Variants in TMEM144 observed in about 807,000 individuals in gnomAD.
TMEM144 encodes the protein transmembrane protein 144.
TMEM144 carries 39 observed loss-of-function variants against 43.6 expected under a neutral mutation model. That is an observed-to-expected ratio of 0.90 (90% CI 0.69 to 1.17). The LOEUF (loss-of-function observed/expected upper bound fraction) is 1.17. Ranked by LOEUF, TMEM144 falls within the 50% of genes most tolerant of loss-of-function variation. The pLI is 0.00. For synonymous variants in TMEM144, 154 were observed against 133.6 expected (o/e 1.15, Z -1.06); for missense variants, 417 against 411.9 (o/e 1.01, Z -0.11).
At chr4:158,233,138 GCAAT>G (rs1347913143) in intron 7 of TMEM144, 156 bp downstream of exon 7, 6 of 535,008 alleles carry the variant, frequency 1.1e-5, no homozygotes, top group Non-Finnish European at 2.0e-5. Flanking sequence ...GGTCTATGTA[GCAAT>G]CAATCAATAT....
intron 12 of TMEM144, among the ~76,000 whole-genome samples, chr4:158,248,976 G>A (rs1736032513): frequency 6.6e-6 from 1 of 151,930 alleles, no homozygotes; most frequent in African/African-American, 2.4e-5. Flanking sequence ...ATGCGATCTC[G>A]GCTCACTGCA....
At chr4:158,222,506 T>A (rs758800676) in intron 6 of TMEM144, among the ~76,000 whole-genome samples, 46 of 152,222 alleles carry the variant, frequency 3.0e-4, no homozygotes, top group Non-Finnish European at 6.2e-4. Context: ...TGTGATGTTT[T>A]CTTGATTTTC....
Position 158,248,467 on chromosome 4 carries a change from G to A in TMEM144, c.954+4118G>A, listed in dbSNP as rs192795523. ...AATAAATAAACAAAAAATCTTATAT[G>A]TCATCTACAAGCAAAATTTAACAGA... On this transcript the variant is annotated intron_variant, in intron 12 of 12. Coordinates refer to ENST00000296529, the MANE Select transcript of TMEM144 (RefSeq NM_018342.5). Among the ~76,000 whole-genome samples the A allele has an allele frequency of 3.5e-4, 54 of 152,154 alleles. No individual in the cohort carries two copies. The Middle Eastern group carries it at 0.014, about 38-fold the overall frequency.
chr4:158,232,996 G>A lies in TMEM144; in HGVS notation c.495+14G>A, dbSNP rs924689669. ...ATAACAGAGCATGTGAGTATAGTAT[G>A]AGAGACAACTTGATTTGAAACATAA... On this transcript the variant is annotated intron_variant, in intron 7 of 12. Transcript: ENST00000296529. 1.3e-6 allele frequency: 2 copies of A among 1,543,680 alleles called. No homozygotes were observed. Among genetic ancestry groups the A allele is most frequent in the African/African-American group, 1.4e-5 (1 of 72,188 alleles).
Position 158,253,803 on chromosome 4 carries a change from G to A in TMEM144, c.*276G>A, listed in dbSNP as rs764441295. On this transcript the variant is annotated 3_prime_UTR_variant, in exon 13 of 13. Coordinates refer to ENST00000296529, the MANE Select transcript of TMEM144 (RefSeq NM_018342.5). ...TCTACATTATTATAGCATTACATACGAGGATGCTCTTTTTACCACAGTATG... is the reference window on the plus strand; with the variant it reads ...TCTACATTATTATAGCATTACATACAAGGATGCTCTTTTTACCACAGTATG... 2.1e-5 allele frequency: 8 copies of A among 386,314 alleles called. No individual in the cohort carries two copies. The highest frequency in any genetic ancestry group is 1.6e-4 in the South Asian group (6 of 38,166). The allele number at this position is 386,314 out of a possible 1,614,324, so 23.9% of individuals were successfully genotyped here. A position where few individuals can be genotyped will look rare whatever the true frequency, so the allele number is the denominator to read the frequency against.
At chr4:158,231,756 G>A (rs1191224342) in intron 6 of TMEM144, among the ~76,000 whole-genome samples, 2 of 152,258 alleles carry the variant, frequency 1.3e-5, no homozygotes, top group East Asian at 1.9e-4. Context: ...GAGTGGTCAG[G>A]CATAGAAGCC....
rs1376721106 is a variant in TMEM144, at chr4:158,215,330, C to A, written c.232+17C>A. On this transcript the variant is annotated intron_variant, in intron 4 of 12. Transcript: ENST00000296529. Reference sequence around the variant, plus strand: ...GGGCAACAGGTAATGTCTGATATAACTTATACTTTTATTATGTAACATAAT... The same window carrying A: ...GGGCAACAGGTAATGTCTGATATAAATTATACTTTTATTATGTAACATAAT... The A allele has an allele frequency of 1.2e-6, 2 of 1,610,748 alleles. No homozygotes were observed.
At chr4:158,237,467 C>T (rs939762527) in intron 8 of TMEM144, 58 bp from the exon 9 acceptor site, 10 of 1,291,066 alleles carry the variant, frequency 7.7e-6, no homozygotes, top group South Asian at 2.6e-5. Flanking sequence ...TCCATTTGTG[C>T]GTTTGTCAGA....
rs752174020 is a variant in TMEM144, at chr4:158,240,337, C to G, written c.721C>G (p.Leu241Val). 1.9e-6 allele frequency: 3 copies of G among 1,613,744 alleles called. No homozygotes were observed. The Admixed American group carries it at 5.0e-5, about 27-fold the overall frequency. The change falls in exon 10 of 13, where the codon CTT becomes GTT. Residue 241 changes from leucine to valine, a missense_variant. Physicochemically the swap from Leu to Val is conservative, Grantham distance 32 (BLOSUM62 1). Coordinates refer to ENST00000296529, the MANE Select transcript of TMEM144 (RefSeq NM_018342.5). ...YVFAHFSGIF[L>V]TSTVYFLAYC... ...GTTTGCGCACTTCAGTGGCATCTTT[C>G]TTACAAGTACTGTCTACTTTCTGGC...
chr4:158,224,460 T>C (rs866013691), intron 6 of TMEM144, among the ~76,000 whole-genome samples: 3 of 152,174 alleles, frequency 2.0e-5, no homozygotes, highest in African/African-American at 7.2e-5. Flanking sequence ...AAAACTGTGG[T>C]CATGGGAGGC....
In TMEM144 at chr4:158,212,789, C is replaced by T; in HGVS notation, c.109+13C>T. 2 of 1,573,080 alleles carry T rather than the reference C, an allele frequency of 1.3e-6. No homozygotes were observed. The highest frequency in any genetic ancestry group is 2.2e-5 in the East Asian group (1 of 44,568). On this transcript the variant is annotated intron_variant, in intron 3 of 12. Coordinates refer to ENST00000296529, the MANE Select transcript of TMEM144 (RefSeq NM_018342.5). The stretch of plus-strand genomic sequence containing the variant: ...GATACTGGTGATGGTAATTATTTTT[C>T]CTTGATTGTTAACGTTATATTATTT...
intron 8 of TMEM144, 178 bp from the exon 9 acceptor site, chr4:158,237,347 G>A: frequency 1.8e-6 from 1 of 549,748 alleles, no homozygotes; most frequent in Non-Finnish European, 3.2e-6. Flanking sequence ...TAGTCCTGAT[G>A]CCACTTTAAT....
chr4:158,231,943 C>T (rs1735100943), intron 6 of TMEM144, among the ~76,000 whole-genome samples: 2 of 152,172 alleles, frequency 1.3e-5, no homozygotes, highest in South Asian at 4.1e-4. Flanking sequence ...ACACAAAAGA[C>T]AGCATATGAT....
At chr4:158,224,769 G>T (rs1332141075) in intron 6 of TMEM144, among the ~76,000 whole-genome samples, 1 of 152,144 alleles carries the variant, frequency 6.6e-6, no homozygotes, top group Admixed American at 6.5e-5. Context: ...CAGCTTCTGG[G>T]TGTGACTGGA....
intron 11 of TMEM144, among the ~76,000 whole-genome samples, chr4:158,243,766 A>G (rs960999162): frequency 1.3e-5 from 2 of 151,882 alleles, no homozygotes; most frequent in African/African-American, 4.8e-5. Flanking sequence ...TTTAGCATTC[A>G]TTGGTGTTTA....
At position 158,254,426 on chromosome 4, in the gene TMEM144, G is replaced by A. The variant is rs994968738; in HGVS notation, c.*899G>A. ...TTCCAGTAGGCAAAATAAAATGACA[G>A]GCATGCTAGTTTTTTTTTTTTTTTT... On this transcript the variant is annotated 3_prime_UTR_variant, in exon 13 of 13. Transcript: ENST00000296529. 1.4e-5 allele frequency: 2 copies of A among 145,204 alleles called. No homozygotes were observed. Among genetic ancestry groups the A allele is most frequent in the African/African-American group, 5.0e-5 (2 of 39,668 alleles). The allele number at this position is 145,204 out of a possible 1,614,324, so 9.0% of individuals were successfully genotyped here. A position where few individuals can be genotyped will look rare whatever the true frequency, so the allele number is the denominator to read the frequency against.
chr4:158,237,019 A>G (rs1735383770), intron 8 of TMEM144, among the ~76,000 whole-genome samples: 1 of 152,204 alleles, frequency 6.6e-6, no homozygotes. Flanking sequence ...CTTCTTGACC[A>G]TGGCATTGTC....
chr4:158,234,376 C>CA lies in TMEM144; in HGVS notation c.496-1048dup, dbSNP rs5863312. On this transcript the variant is annotated intron_variant, in intron 7 of 12. Coordinates refer to ENST00000296529, the MANE Select transcript of TMEM144 (RefSeq NM_018342.5). ...TGAAACTCTATCTCTACTAAGAATACAAAAAAAAAAAAAATGAGCTGGGTG... is the reference window on the plus strand; with the variant it reads ...TGAAACTCTATCTCTACTAAGAATACAAAAAAAAAAAAAAATGAGCTGGGTG... 762 of 143,504 alleles carry CA rather than the reference C, an allele frequency of 5.3e-3. 8 individuals carry two copies. The highest frequency in any genetic ancestry group is 0.017 in the African/African-American group (681 of 38,988). The allele number at this position is 143,504 out of a possible 1,614,324, so 8.9% of individuals were successfully genotyped here.
chr4:158,225,887 G>A (rs1579116135), intron 6 of TMEM144, among the ~76,000 whole-genome samples: 2 of 152,248 alleles, frequency 1.3e-5, no homozygotes, highest in African/African-American at 4.8e-5. Flanking sequence ...GACCCGCAGG[G>A]TGCCGGACTT....
Sources: allele counts gnomAD v4.1 joint callset (sites outside exome capture counted in the v4.1 genomes callset), GRCh38; gene constraint gnomAD v4.1.1; transcripts MANE v1.5; gene names NCBI Gene and HGNC (gene_info 2026-07-23, HGNC 2026-07-21).